MSMO1: variants seen among roughly 807,000 people sequenced by gnomAD.
MSMO1 encodes methylsterol monooxygenase 1, also known as C-4 methylsterol oxidase.
A neutral mutation model predicts 30.4 loss-of-function variants in MSMO1; 18 were observed. That is an observed-to-expected ratio of 0.59 (90% CI 0.41 to 0.88). The LOEUF (loss-of-function observed/expected upper bound fraction) is 0.88, where lower values mean the gene tolerates loss of function less well. Ranked by LOEUF, MSMO1 falls within the 40% of genes least tolerant of loss-of-function variation. The probability of loss-of-function intolerance (pLI) is 0.00; values close to 1 mark genes in which losing one functional copy is unlikely to be tolerated. For missense variants in MSMO1, 284 were observed against 340.5 expected (o/e 0.83, Z 1.31); for synonymous variants, 84 against 107.9 (o/e 0.78, Z 1.37).
At position 165,342,159 on chromosome 4, in the gene MSMO1, G is replaced by A. The variant is rs1747733290; in HGVS notation, c.*213G>A. On this transcript the variant is annotated 3_prime_UTR_variant, in exon 6 of 6. Transcript: ENST00000261507. ...TAGAAATGAATAAATATATATTTAA[G>A]TACAGTTTTCATGAGGAAGTTTTAA... is the stretch of plus-strand genomic sequence containing the variant. 1 of 447,314 alleles carries A rather than the reference G, an allele frequency of 2.2e-6. No individual in the cohort carries two copies. Among genetic ancestry groups the A allele is most frequent in the Non-Finnish European group, 4.0e-6 (1 of 249,952 alleles). 27.7% of individuals were successfully genotyped at this position (447,314 alleles called of 1,614,324 possible). A position where few individuals can be genotyped will look rare whatever the true frequency, so the allele number is the denominator to read the frequency against.
intron 2 of MSMO1, among the ~76,000 whole-genome samples, chr4:165,334,107 AATT>A (rs1461242409): frequency 1.3e-5 from 2 of 152,198 alleles, no homozygotes; most frequent in African/African-American, 4.8e-5. Flanking sequence ...AATAAATGTA[AATT>A]ATTATTTCAA....
Position 165,338,345 on chromosome 4 carries a change from T to C in MSMO1, c.405-307T>C, listed in dbSNP as rs533784732. Among the ~76,000 whole-genome samples the C allele has an allele frequency of 1.3e-4, 20 of 150,680 alleles. No homozygotes were observed. The East Asian group carries it at 3.7e-3, about 28-fold the overall frequency. On this transcript the variant is annotated intron_variant, in intron 3 of 5. Coordinates refer to ENST00000261507, the MANE Select transcript of MSMO1 (RefSeq NM_006745.5). ...ATATATATATACACACATATATATA[T>C]ACACACACATATATATACTCATGCG... is the stretch of plus-strand genomic sequence containing the variant.
At chr4:165,335,685 G>A (rs564831239) in intron 2 of MSMO1, among the ~76,000 whole-genome samples, 2 of 152,308 alleles carry the variant, frequency 1.3e-5, no homozygotes, top group African/African-American at 2.4e-5. Context: ...ACTTTCTCAG[G>A]CAAGGGTATA....
At chr4:165,328,513 A>C (rs1747300106) in intron 1 of MSMO1, among the ~76,000 whole-genome samples, 1 of 152,218 alleles carries the variant, frequency 6.6e-6, no homozygotes. Flanking sequence ...GCTTGGAGGC[A>C]GGGCAAGTCC....
intron 3 of MSMO1, among the ~76,000 whole-genome samples, chr4:165,338,359 T>C (rs1182498018): frequency 2.6e-5 from 4 of 151,318 alleles, no homozygotes; most frequent in Non-Finnish European, 5.9e-5. Flanking sequence ...CACACATATA[T>C]ATACTCATGC....
chr4:165,335,745 T>C (rs942927138), intron 2 of MSMO1, among the ~76,000 whole-genome samples: 13 of 152,320 alleles, frequency 8.5e-5, no homozygotes, highest in African/African-American at 2.4e-4. Context: ...AGCTGTAGTC[T>C]AGTTGGTCAG....
At chr4:165,329,582 A>G (rs898378492) in intron 1 of MSMO1, among the ~76,000 whole-genome samples, 1 of 151,448 alleles carries the variant, frequency 6.6e-6, no homozygotes, top group African/African-American at 2.4e-5. Flanking sequence ...TCCAAAAAAA[A>G]AAAAAAAGGT....
intron 4 of MSMO1, among the ~76,000 whole-genome samples, 184 bp downstream of exon 4, chr4:165,338,962 A>G (rs1198002509): frequency 6.6e-6 from 1 of 152,152 alleles, no homozygotes; most frequent in East Asian, 1.9e-4. Flanking sequence ...TTTAAATTTC[A>G]TGGTAAATTG....
At chr4:165,328,105 A>G (rs1388169300) in intron 1 of MSMO1, 1 of 152,348 alleles carries the variant, frequency 6.6e-6, no homozygotes, top group Non-Finnish European at 1.5e-5. Context: ...ATACAAAAGC[A>G]GGAACCACTA....
chr4:165,336,181 C>T (rs568701873), intron 2 of MSMO1, among the ~76,000 whole-genome samples: 48 of 140,070 alleles, frequency 3.4e-4, no homozygotes, highest in African/African-American at 1.2e-3. Context: ...GCTAGTTAGG[C>T]GAAAATTTCA....
chr4:165,333,610 A>G lies in MSMO1; in HGVS notation c.240A>G (p.Lys80=). Residue 80 remains lysine, a synonymous_variant, in exon 2 of 6, where the codon AAA becomes AAG. Coordinates refer to ENST00000261507, the MANE Select transcript of MSMO1 (RefSeq NM_006745.5). ...TTCAATTTATACCTTATATGAAAAAATACAAAATTCAAAAGGTGAGTATAA... is the reference window on the plus strand; with the variant it reads ...TTCAATTTATACCTTATATGAAAAAGTACAAAATTCAAAAGGTGAGTATAA... The part of the protein sequence containing the change: ...FLFQFIPYMK[K]YKIQKDKPET... 4 of 1,593,200 alleles carry G rather than the reference A, an allele frequency of 2.5e-6. No individual in the cohort carries two copies. Among genetic ancestry groups the G allele is most frequent in the Non-Finnish European group, 3.4e-6 (4 of 1,169,886 alleles).
At chr4:165,340,801 A>G (rs1332278362) in intron 5 of MSMO1, among the ~76,000 whole-genome samples, 2 of 152,212 alleles carry the variant, frequency 1.3e-5, no homozygotes, top group Non-Finnish European at 2.9e-5. Context: ...TGTTGATTGG[A>G]AGACATTTTG....
chr4:165,331,816 A>T (rs900820835), intron 1 of MSMO1, among the ~76,000 whole-genome samples: 1 of 152,210 alleles, frequency 6.6e-6, no homozygotes, highest in Non-Finnish European at 1.5e-5. Context: ...TTAGTGACCT[A>T]TTGAGCTTAT....
intron 2 of MSMO1, among the ~76,000 whole-genome samples, chr4:165,335,937 G>T (rs1030739952): frequency 1.3e-5 from 2 of 152,022 alleles, no homozygotes; most frequent in Non-Finnish European, 2.9e-5. Context: ...CCAAAATATT[G>T]GTACAAATTA....
chr4:165,331,846 T>C lies in MSMO1; in HGVS notation c.-31-1494T>C, dbSNP rs78145769. ...GCTTATTTATTAGGTAAGTAGAACA[T>C]GCTCATTTAAAAAGTTTAAATTGTG... On this transcript the variant is annotated intron_variant, in intron 1 of 5. Transcript: ENST00000261507. 5.2e-3 allele frequency among the ~76,000 whole-genome samples: 789 copies of C among 152,240 alleles called. 10 individuals carry two copies. The highest frequency in any genetic ancestry group is 0.037 in the East Asian group (189 of 5,176).
At chr4:165,328,077 G>C (rs1747288138) in intron 1 of MSMO1, 1 of 152,454 alleles carries the variant, frequency 6.6e-6, no homozygotes, top group Non-Finnish European at 1.5e-5. Flanking sequence ...AGCACAGGGT[G>C]ATAGGCTGGC....
At chr4:165,331,196 C>T (rs1579211972) in intron 1 of MSMO1, among the ~76,000 whole-genome samples, 1 of 151,308 alleles carries the variant, frequency 6.6e-6, no homozygotes. Context: ...GTCCCAGCTA[C>T]GAGGGGCTGA....
chr4:165,332,789 G>A lies in MSMO1; in HGVS notation c.-31-551G>A, dbSNP rs994093021. 5.9e-5 allele frequency among the ~76,000 whole-genome samples: 9 copies of A among 152,184 alleles called. No homozygotes were observed. In the East Asian group the frequency reaches 7.7e-4, roughly 13 times the overall value. ...GAACTGCTTGTGAATGGCATTTGTC[G>A]TTCTTCTGTTGTCTTTTTAGTCTTT... On this transcript the variant is annotated intron_variant, in intron 1 of 5. Transcript: ENST00000261507.
At chr4:165,331,448 G>C (rs1339610678) in intron 1 of MSMO1, among the ~76,000 whole-genome samples, 1 of 152,170 alleles carries the variant, frequency 6.6e-6, no homozygotes, top group African/African-American at 2.4e-5. Flanking sequence ...AGGAAGACTA[G>C]TCAGTCTTAG....
Sources: gnomAD v4.1 joint callset for allele counts (sites outside exome capture counted in the v4.1 genomes callset) on GRCh38, gnomAD v4.1.1 for gene constraint, MANE v1.5 for transcripts, NCBI Gene and HGNC (gene_info 2026-07-23, HGNC 2026-07-21) for gene names.